The following NTM variants were observed in gnomAD, a reference collection of about 807,000 sequenced individuals.
NTM encodes the protein neurotrimin, also known as IgLON family member 2.
In NTM, 13 loss-of-function variants were observed where a neutral mutation model predicts 42.1. That is an observed-to-expected ratio of 0.31 (90% CI 0.20 to 0.49). The LOEUF is 0.49. Among genes scored for constraint, NTM ranks in the 20% least tolerant of loss-of-function variants. The pLI is 0.99. For missense variants in NTM, 373 were observed against 452.8 expected, an observed-to-expected ratio of 0.82 and a Z score of 1.60; for synonymous variants, 187 against 179.2, an observed-to-expected ratio of 1.04 and a Z score of -0.35.
chr11:131,381,132 C>A (rs1212385395), intron 1 of NTM, among the ~76,000 whole-genome samples: 2 of 152,092 alleles, frequency 1.3e-5, no homozygotes, highest in South Asian at 4.1e-4. Flanking sequence ...GGGGGAAGAA[C>A]CTACGCTCTA....
chr11:131,718,939 CT>C (rs1218225059), intron 1 of NTM, among the ~76,000 whole-genome samples: 4 of 152,126 alleles, frequency 2.6e-5, no homozygotes, highest in Non-Finnish European at 5.9e-5. Flanking sequence ...ACCACTGCTT[CT>C]AGTGTTTTTG....
chr11:131,957,285 T>G (rs930858123), intron 2 of NTM, among the ~76,000 whole-genome samples: 5 of 152,224 alleles, frequency 3.3e-5, no homozygotes, highest in Non-Finnish European at 7.3e-5. Context: ...TTATTGCTTT[T>G]ATATTCTAGT....
chr11:131,401,834 A>ATATATATGTGTG (rs1555101810), intron 1 of NTM, among the ~76,000 whole-genome samples: 9 of 86,274 alleles, frequency 1.0e-4, no homozygotes, highest in African/African-American at 3.8e-4. Context: ...ATATATATAT[A>ATATATATGTGTG]TATATATATA....
At chr11:132,334,523 G>T (rs2095853025) in intron 8 of NTM, among the ~76,000 whole-genome samples, 1 of 152,208 alleles carries the variant, frequency 6.6e-6, no homozygotes, top group Non-Finnish European at 1.5e-5. Flanking sequence ...AGAGTGATTG[G>T]CAGGATGGCC....
chr11:131,856,793 A>T (rs536831371), intron 1 of NTM, among the ~76,000 whole-genome samples: 14 of 152,354 alleles, frequency 9.2e-5, no homozygotes, highest in African/African-American at 3.4e-4. Flanking sequence ...TACTGTGGGA[A>T]TGTCCAGATG....
At chr11:132,256,061 A>T (rs1258156250) in intron 4 of NTM, among the ~76,000 whole-genome samples, 2 of 152,146 alleles carry the variant, frequency 1.3e-5, no homozygotes, top group South Asian at 2.1e-4. Context: ...ACATCTGTGC[A>T]TACTCCTTCC....
intron 1 of NTM, among the ~76,000 whole-genome samples, chr11:131,517,426 A>G (rs576144616): frequency 1.3e-5 from 2 of 152,290 alleles, no homozygotes; most frequent in African/African-American, 4.8e-5. Flanking sequence ...TCCCGATGTT[A>G]TAATTACAAG....
intron 1 of NTM, among the ~76,000 whole-genome samples, chr11:131,737,829 C>T (rs2080673915): frequency 6.6e-6 from 1 of 152,042 alleles, no homozygotes; most frequent in Non-Finnish European, 1.5e-5. Flanking sequence ...ATATAAATGC[C>T]CAGTACAAGG....
chr11:131,552,831 AT>A (rs1310820876), intron 1 of NTM, among the ~76,000 whole-genome samples: 267 of 151,000 alleles, frequency 1.8e-3, no homozygotes, highest in African/African-American at 6.1e-3. Flanking sequence ...AAAAAAAAAA[AT>A]AATAGCCTCA....
chr11:131,500,593 T>TGTA (rs2046677825), intron 1 of NTM, among the ~76,000 whole-genome samples: 1 of 133,196 alleles, frequency 7.5e-6, no homozygotes, highest in Non-Finnish European at 1.6e-5. Flanking sequence ...TTTTTTTTTT[T>TGTA]TTGTATTATA....
At position 131,613,339 on chromosome 11, in the gene NTM, A is replaced by T. The variant is rs527884828; in HGVS notation, c.82+242451A>T. 3.3e-5 allele frequency among the ~76,000 whole-genome samples: 5 copies of T among 152,204 alleles called. No homozygotes were observed. In the South Asian group the frequency reaches 1.0e-3, roughly 32 times the overall value. ...TTGCCCAAGCCTGGGCCCCCGCCCAAGTTCTCTGAAATCGTATTTTACAGT... is the reference window on the plus strand; with the variant it reads ...TTGCCCAAGCCTGGGCCCCCGCCCATGTTCTCTGAAATCGTATTTTACAGT... On this transcript the variant is annotated intron_variant, in intron 1 of 8. Transcript: ENST00000683400.
chr11:131,918,733 C>G (rs1362278418), intron 2 of NTM, among the ~76,000 whole-genome samples: 1 of 152,104 alleles, frequency 6.6e-6, no homozygotes. Context: ...TGTCGTGGTG[C>G]ACAGGAATCC....
At chr11:131,704,353 C>T (rs143411681) in intron 1 of NTM, among the ~76,000 whole-genome samples, 4 of 152,216 alleles carry the variant, frequency 2.6e-5, no homozygotes, top group Middle Eastern at 3.4e-3. Context: ...TCCTGTAGAC[C>T]CAAGTTCCAG....
chr11:131,763,105 C>G (rs190095175), intron 1 of NTM, among the ~76,000 whole-genome samples: 1 of 152,118 alleles, frequency 6.6e-6, no homozygotes, highest in African/African-American at 2.4e-5. Context: ...TTTTATGGTC[C>G]TCAGGTAGGG....
rs577192904 is a variant in NTM at position 132,288,866 on chromosome 11, C to T, written c.527-18823C>T. 5.9e-5 allele frequency among the ~76,000 whole-genome samples: 9 copies of T among 152,278 alleles called. No individual in the cohort carries two copies. The East Asian group carries it at 1.7e-3, about 29-fold the overall frequency. On this transcript the variant is annotated intron_variant, in intron 4 of 8. Transcript: ENST00000683400. ...GAACTCCTGGCCTCAGGTGATCCACCCGCCTCAGCCTCCCAAAGTGCTGGG... is the reference window on the plus strand; with the variant it reads ...GAACTCCTGGCCTCAGGTGATCCACTCGCCTCAGCCTCCCAAAGTGCTGGG...
chr11:131,888,370 C>A (rs1842776567), intron 1 of NTM, among the ~76,000 whole-genome samples: 1 of 152,170 alleles, frequency 6.6e-6, no homozygotes, highest in African/African-American at 2.4e-5. Context: ...GCATTTCACA[C>A]TGCGGAGAAA....
At chr11:131,813,517 G>T (rs542996167) in intron 1 of NTM, among the ~76,000 whole-genome samples, 1 of 152,130 alleles carries the variant, frequency 6.6e-6, no homozygotes, top group South Asian at 2.1e-4. Flanking sequence ...TTCTCTGGGG[G>T]AGTCTGGGAT....
chr11:131,498,058 T>G (rs538873127), intron 1 of NTM, among the ~76,000 whole-genome samples: 43 of 152,312 alleles, frequency 2.8e-4, no homozygotes, highest in African/African-American at 1.0e-3. Flanking sequence ...TCAGGTGTGT[T>G]CTCTCCGTTT....
intron 2 of NTM, among the ~76,000 whole-genome samples, chr11:132,041,180 C>A (rs1376606930): frequency 2.8e-5 from 4 of 145,160 alleles, no homozygotes; most frequent in African/African-American, 1.0e-4. Flanking sequence ...TTTTGCTCTG[C>A]CTTTTTGTTT....
Sources: gnomAD v4.1 joint callset for allele counts (sites outside exome capture counted in the v4.1 genomes callset) on GRCh38, gnomAD v4.1.1 for gene constraint, MANE v1.5 for transcripts, NCBI Gene and HGNC (gene_info 2026-07-23, HGNC 2026-07-21) for gene names.